Variants in DISP1 observed in about 807,000 individuals in gnomAD.
The protein encoded by DISP1 is dispatched RND transporter family member 1.
DISP1 carries 30 observed loss-of-function variants against 37.3 expected under a neutral mutation model. The observed-to-expected ratio is 0.80, with a 90% CI of 0.60 to 1.09. DISP1 has a LOEUF of 1.09. DISP1 is among the 50% of genes least tolerant of loss of function. The pLI, the probability that DISP1 is intolerant of heterozygous loss-of-function variation, is 0.00. For synonymous variants in DISP1, 634 were observed against 690.2 expected, an observed-to-expected ratio of 0.92 and a Z score of 1.28; for missense variants, 1,598 against 1,879.5, an observed-to-expected ratio of 0.85 and a Z score of 2.77.
At chr1:222,961,147 CAGG>C (rs1455265413) in intron 3 of DISP1, among the ~76,000 whole-genome samples, 1 of 152,130 alleles carries the variant, frequency 6.6e-6, no homozygotes, top group Non-Finnish European at 1.5e-5. Context: ...ATACCAAAAC[CAGG>C]AGGAGACACA....
At chr1:222,874,577 A>G (rs1036408813) in intron 1 of DISP1, among the ~76,000 whole-genome samples, 11 of 151,764 alleles carry the variant, frequency 7.2e-5, no homozygotes, top group Admixed American at 5.9e-4. Context: ...TGCATTCGTC[A>G]TGTAGTTCTC....
intron 6 of DISP1, 63 bp from the exon 7 acceptor site, chr1:222,991,935 AAGTAATGTTTCCAGT>A: frequency 1.7e-6 from 2 of 1,151,050 alleles, no homozygotes; most frequent in South Asian, 2.6e-5. Flanking sequence ...GGCTTTGAGG[AAGTAATGTTTCCAGT>A]ATGCTTATCA....
At chr1:222,959,091 G>A (rs2609364) in intron 3 of DISP1, among the ~76,000 whole-genome samples, 148,865 of 152,234 alleles carry the variant, frequency 0.98, 72,865 homozygotes, top group East Asian at 1. Flanking sequence ...AAATTTTATC[G>A]TGACTATAAA....
intron 1 of DISP1, among the ~76,000 whole-genome samples, chr1:222,883,019 G>C (rs902447151): frequency 1.9e-4 from 29 of 152,234 alleles, no homozygotes; most frequent in African/African-American, 6.5e-4. Flanking sequence ...TTATGAGATA[G>C]TACTAGTCAT....
chr1:222,973,621 A>G (rs777706178), intron 3 of DISP1, among the ~76,000 whole-genome samples: 4 of 152,250 alleles, frequency 2.6e-5, no homozygotes, highest in Admixed American at 1.3e-4. Flanking sequence ...CTTATTAATA[A>G]GTGAACATTA....
At chr1:222,866,993 A>G (rs1274449790) in intron 1 of DISP1, among the ~76,000 whole-genome samples, 1 of 152,216 alleles carries the variant, frequency 6.6e-6, no homozygotes, top group Non-Finnish European at 1.5e-5. Context: ...GAATTATACC[A>G]TCCTAGCAAT....
chr1:222,868,274 C>A, intron 1 of DISP1, among the ~76,000 whole-genome samples: 1 of 151,100 alleles, frequency 6.6e-6, no homozygotes, highest in East Asian at 1.9e-4. Context: ...ATAGTGATGA[C>A]AGAAGTGAAA....
Position 223,005,471 on chromosome 1 carries a change from C to G in DISP1, c.4074C>G (p.His1358Gln). 1.2e-6 allele frequency: 2 copies of G among 1,613,836 alleles called. No homozygotes were observed. The highest frequency in any genetic ancestry group is 1.6e-4 in the Middle Eastern group (1 of 6,062). The stretch of plus-strand genomic sequence containing the variant: ...CTCTGCCTAGGAATTTTTTCCTCCA[C>G]CCAGTGCAGCACATTCAGGCCCAAG... ...QNSLPRNFFL[H>Q]PVQHIQAQEK... The change falls in exon 9 of 9, where the codon CAC becomes CAG. Residue 1358 changes from histidine to glutamine, a missense_variant. Coordinates refer to ENST00000675850, the MANE Select transcript of DISP1 (RefSeq NM_001377229.1).
intron 1 of DISP1, chr1:222,831,175 T>C (rs893466584): frequency 6.6e-6 from 1 of 152,260 alleles, no homozygotes; most frequent in Non-Finnish European, 1.5e-5. Context: ...AATACTTCTT[T>C]AATGGTTCTT....
chr1:222,999,520 T>C (rs1679296564), intron 8 of DISP1, among the ~76,000 whole-genome samples: 1 of 152,186 alleles, frequency 6.6e-6, no homozygotes, highest in South Asian at 2.1e-4. Flanking sequence ...ACTTACAGAC[T>C]TTGGTACTTT....
At chr1:222,866,321 G>A (rs1292708796) in intron 1 of DISP1, among the ~76,000 whole-genome samples, 5 of 129,514 alleles carry the variant, frequency 3.9e-5, no homozygotes, top group Non-Finnish European at 6.6e-5. Context: ...TCCCGGGATA[G>A]TTTTGTTGTT....
At chr1:222,915,875 A>T (rs1169690477) in intron 1 of DISP1, among the ~76,000 whole-genome samples, 2 of 152,168 alleles carry the variant, frequency 1.3e-5, no homozygotes, top group Non-Finnish European at 2.9e-5. Flanking sequence ...GTGTACGCTT[A>T]CTTTTTGTTG....
At chr1:222,918,551 G>A (rs1408024481) in intron 1 of DISP1, among the ~76,000 whole-genome samples, 1 of 152,058 alleles carries the variant, frequency 6.6e-6, no homozygotes, top group East Asian at 1.9e-4. Flanking sequence ...GGGAATCGAG[G>A]GATTTGGAAG....
At chr1:222,915,725 C>T (rs1011177860) in intron 1 of DISP1, among the ~76,000 whole-genome samples, 1 of 152,206 alleles carries the variant, frequency 6.6e-6, no homozygotes, top group African/African-American at 2.4e-5. Flanking sequence ...AGGTCTAATA[C>T]TGAATATTAC....
At position 222,946,340 on chromosome 1, in the gene DISP1, C is replaced by T. The variant is rs1424346751; in HGVS notation, c.509+3008C>T. On this transcript the variant is annotated intron_variant, in intron 3 of 8. Coordinates refer to ENST00000675850, the MANE Select transcript of DISP1 (RefSeq NM_001377229.1). ...CGAAGCTTGCAGTGAGCTGAGATCA[C>T]GCCACTGCACTCCAGCCTGGGCGAC... Among the ~76,000 whole-genome samples the T allele has an allele frequency of 7.0e-5, 10 of 143,428 alleles. No homozygotes were observed. The East Asian group carries it at 1.7e-3, about 24-fold the overall frequency. The allele number at this position is 143,428 out of a possible 152,430, so 94.1% of individuals were successfully genotyped here. A position where few individuals can be genotyped will look rare whatever the true frequency, so the allele number is the denominator to read the frequency against.
intron 1 of DISP1, among the ~76,000 whole-genome samples, chr1:222,833,167 T>C (rs1666176402): frequency 6.6e-6 from 1 of 152,114 alleles, no homozygotes; most frequent in African/African-American, 2.4e-5. Context: ...GGCAGAATTA[T>C]AGCTTCCACA....
intron 1 of DISP1, among the ~76,000 whole-genome samples, chr1:222,913,963 G>A (rs1255819420): frequency 1.4e-5 from 2 of 147,920 alleles, no homozygotes; most frequent in Admixed American, 1.3e-4. Context: ...GGTAGGATCT[G>A]CTTATATAAC....
intron 1 of DISP1, among the ~76,000 whole-genome samples, chr1:222,855,991 G>A (rs1000970673): frequency 6.6e-6 from 1 of 151,846 alleles, no homozygotes; most frequent in Non-Finnish European, 1.5e-5. Context: ...TGGGGGAAAA[G>A]ATTCTTCTGT....
At chr1:222,926,676 G>A (rs753836960) in intron 1 of DISP1, among the ~76,000 whole-genome samples, 16 of 152,056 alleles carry the variant, frequency 1.1e-4, no homozygotes, top group Non-Finnish European at 2.2e-4. Flanking sequence ...TGAACAAAGC[G>A]GCTTACCTAA....
Sources: gnomAD v4.1 joint callset for allele counts (sites outside exome capture counted in the v4.1 genomes callset) on GRCh38, gnomAD v4.1.1 for gene constraint, MANE v1.5 for transcripts, NCBI Gene and HGNC (gene_info 2026-07-23, HGNC 2026-07-21) for gene names.